The following IBTK variants were observed in gnomAD, a reference collection of about 807,000 sequenced individuals.
IBTK encodes inhibitor of Bruton tyrosine kinase.
Under a neutral mutation model 154.9 loss-of-function variants are expected in IBTK, and 83 were observed. The ratio of observed to expected loss-of-function variants is 0.54; its 90% CI spans 0.45 to 0.64. The LOEUF is 0.64. IBTK is among the 30% of genes least tolerant of loss of function. IBTK has a pLI of 0.00. For synonymous variants in IBTK, 515 were observed against 536.1 expected, an observed-to-expected ratio of 0.96 and a Z score of 0.54; for missense variants, 1,332 against 1,584.6, an observed-to-expected ratio of 0.84 and a Z score of 2.71.
chr6:82,207,528 A>G (rs1332522286), intron 16 of IBTK, among the ~76,000 whole-genome samples: 1 of 152,218 alleles, frequency 6.6e-6, no homozygotes, highest in Non-Finnish European at 1.5e-5. Context: ...TCTACAAATT[A>G]AATGTGATTT....
intron 7 of IBTK, among the ~76,000 whole-genome samples, 189 bp downstream of exon 7, chr6:82,223,879 A>G (rs9443972): frequency 0.24 from 36,139 of 151,952 alleles, 4,324 homozygotes; most frequent in African/African-American, 0.28. Flanking sequence ...GAGCCCAGGA[A>G]GTCAAGGTTT....
rs781079796 is a variant in IBTK, at chr6:82,194,668, A to T, written c.3175-26T>A. The T allele has an allele frequency of 8.4e-6, 13 of 1,541,162 alleles. No homozygotes were observed. In the South Asian group the frequency reaches 1.7e-4, roughly 20 times the overall value. ...CTGGGGAGAGAAAAAAAATAAAAAA[A>T]GTTAACAGGCACCTAGAACAGTAAC... On this transcript the variant is annotated intron_variant, in intron 22 of 28. Coordinates refer to ENST00000306270, the MANE Select transcript of IBTK (RefSeq NM_015525.4).
At chr6:82,200,065 T>G (rs181632425) in intron 21 of IBTK, 76 bp downstream of exon 21, 309 of 905,784 alleles carry the variant, frequency 3.4e-4, no homozygotes, top group South Asian at 6.5e-4. Context: ...TTTATTTCAG[T>G]AGCCCCAGCA....
At chr6:82,244,504 A>G (rs1426623718) in intron 1 of IBTK, among the ~76,000 whole-genome samples, 1 of 152,208 alleles carries the variant, frequency 6.6e-6, no homozygotes, top group Non-Finnish European at 1.5e-5. Context: ...TTCCTAGGGC[A>G]TTATCGCTTC....
At chr6:82,184,079 T>C (rs930607088) in intron 25 of IBTK, among the ~76,000 whole-genome samples, 12 of 152,230 alleles carry the variant, frequency 7.9e-5, no homozygotes, top group African/African-American at 2.9e-4. Flanking sequence ...TAAGATTGTG[T>C]GATACTGGCA....
At chr6:82,228,980 A>T (rs1326003772) in intron 4 of IBTK, among the ~76,000 whole-genome samples, 2 of 152,136 alleles carry the variant, frequency 1.3e-5, no homozygotes, top group Non-Finnish European at 2.9e-5. Context: ...AATTATCTGG[A>T]ATATATAATA....
intron 23 of IBTK, among the ~76,000 whole-genome samples, chr6:82,192,528 C>T (rs1166758116): frequency 6.6e-6 from 1 of 151,830 alleles, no homozygotes; most frequent in East Asian, 1.9e-4. Context: ...GGGTGGATCA[C>T]CTGAGGTCAG....
At chr6:82,172,839 G>A (rs1330985560) in intron 27 of IBTK, 1 of 238,762 alleles carries the variant, frequency 4.2e-6, no homozygotes, top group East Asian at 1.0e-4. Context: ...ATTTGGACCA[G>A]TATTAGAGAG....
Position 82,225,612 on chromosome 6 carries a change from A to G in IBTK, c.690T>C (p.Asn230=), listed in dbSNP as rs1168000620. 1 of 1,613,114 alleles carries G rather than the reference A, an allele frequency of 6.2e-7. No individual in the cohort carries two copies. The highest frequency in any genetic ancestry group is 2.2e-5 in the East Asian group (1 of 44,818). ...CCTTAGCAGCTGCCACTTGGGAACAATTATGACCATTCAGTCCTTCCACAA... is the reference window on the plus strand; with the variant it reads ...CCTTAGCAGCTGCCACTTGGGAACAGTTATGACCATTCAGTCCTTCCACAA... ...PRLVEGLNGH[N]CSQVAAAKDH... Residue 230 remains asparagine (N), a synonymous_variant, in exon 6 of 29, where the codon AAT becomes AAC. Coordinates refer to ENST00000306270, the MANE Select transcript of IBTK (RefSeq NM_015525.4).
Position 82,240,739 on chromosome 6 carries a change from A to T in IBTK, c.-253T>A, listed in dbSNP as rs1047074137. 1.1e-4 allele frequency: 53 copies of T among 476,952 alleles called. 1 individual carries two copies. Among genetic ancestry groups the T allele is most frequent in the Admixed American group, 2.7e-4 (7 of 26,334 alleles). The allele number at this position is 476,952 out of a possible 1,614,324, so 29.5% of individuals were successfully genotyped here. Reference sequence around the variant, plus strand: ...AGTTCTTCATTTAAAAAAATTCCACAGTTTATAAATTATTCCTGGAGTCAA... The same window carrying T: ...AGTTCTTCATTTAAAAAAATTCCACTGTTTATAAATTATTCCTGGAGTCAA... On this transcript the variant is annotated 5_prime_UTR_variant, in exon 2 of 29. Coordinates refer to ENST00000306270, the MANE Select transcript of IBTK (RefSeq NM_015525.4).
intron 26 of IBTK, among the ~76,000 whole-genome samples, chr6:82,176,292 G>A (rs915075378): frequency 6.6e-6 from 1 of 151,618 alleles, no homozygotes; most frequent in Non-Finnish European, 1.5e-5. Flanking sequence ...GGGAGGCTGT[G>A]GGCAGATCAC....
chr6:82,220,647 A>C lies in IBTK; in HGVS notation c.1191T>G (p.His397Gln). Residue 397 changes from histidine to glutamine, a missense_variant, in exon 9 of 29, where the codon CAT (histidine) becomes CAG (glutamine). His to Gln is a conservative substitution (Grantham distance 24, BLOSUM62 0). Coordinates refer to ENST00000306270, the MANE Select transcript of IBTK (RefSeq NM_015525.4). ...GHMEYKVDPE[H>Q]LKENGGQKIC... ...TTTTTTGACCCCCATTTTCTTTCAA[A>C]TGTTCAGGATCAACCTTGTATTCCA... is the stretch of plus-strand genomic sequence containing the variant. The C allele has an allele frequency of 6.2e-7, 1 of 1,612,862 alleles. No individual in the cohort carries two copies. Among genetic ancestry groups the C allele is most frequent in the Non-Finnish European group, 8.5e-7 (1 of 1,179,534 alleles).
At position 82,172,930 on chromosome 6, in the gene IBTK, G is replaced by A. The variant is rs112957716; in HGVS notation, c.3798-418C>T. On this transcript the variant is annotated intron_variant, in intron 27 of 28. Transcript: ENST00000306270. Reference sequence around the variant, plus strand: ...AGAAAGGTAACTCAAACTACAGTACGGAGAGGATACAAGTAATACATTCTA... The same window carrying A: ...AGAAAGGTAACTCAAACTACAGTACAGAGAGGATACAAGTAATACATTCTA... The A allele has an allele frequency of 1.8e-3, 355 of 195,478 alleles. 2 individuals are homozygous for A. Among genetic ancestry groups the A allele is most frequent in the African/African-American group, 7.4e-3 (316 of 42,536 alleles). 12.1% of individuals were successfully genotyped at this position (195,478 alleles called of 1,614,324 possible).
intron 1 of IBTK, among the ~76,000 whole-genome samples, chr6:82,242,677 T>C (rs1352124983): frequency 6.6e-6 from 1 of 152,126 alleles, no homozygotes; most frequent in Non-Finnish European, 1.5e-5. Context: ...CCGAGCACGG[T>C]GGCTCACGTC....
intron 12 of IBTK, among the ~76,000 whole-genome samples, chr6:82,213,505 T>C (rs2323542): frequency 0.73 from 110,995 of 152,114 alleles, 40,935 homozygotes; most frequent in East Asian, 0.96. Context: ...CAAAACCATA[T>C]CAACAATATG....
In IBTK at chr6:82,223,535, A is replaced by C; in HGVS notation, c.1029T>G (p.Ser343=). The change falls in exon 8 of 29, where the codon TCT becomes TCG. Residue 343 remains serine, a synonymous_variant. Transcript: ENST00000306270. Reference sequence around the variant, plus strand: ...TAGCTCCATCACTTGCAGCAACCAAAGACAGAGCAATGTCTTTATGGTGAA... The same window carrying C: ...TAGCTCCATCACTTGCAGCAACCAACGACAGAGCAATGTCTTTATGGTGAA... ...SALHHKDIAL[S]LVAASDGATV... The C allele has an allele frequency of 6.2e-7, 1 of 1,614,148 alleles. No homozygotes were observed. The highest frequency in any genetic ancestry group is 8.5e-7 in the Non-Finnish European group (1 of 1,179,952).
intron 25 of IBTK, among the ~76,000 whole-genome samples, chr6:82,188,122 G>A (rs755916243): frequency 3.4e-4 from 52 of 152,142 alleles, no homozygotes; most frequent in Non-Finnish European, 5.9e-4. Flanking sequence ...GGTCCCTAAG[G>A]AATCTGATAC....
chr6:82,198,817 T>C (rs866100756), intron 21 of IBTK, among the ~76,000 whole-genome samples: 2 of 152,148 alleles, frequency 1.3e-5, no homozygotes, highest in Non-Finnish European at 2.9e-5. Context: ...AAAACGTATA[T>C]AGTTTAATCT....
chr6:82,217,716 G>T (rs766490248), intron 10 of IBTK, among the ~76,000 whole-genome samples: 2 of 152,118 alleles, frequency 1.3e-5, no homozygotes, highest in Admixed American at 6.6e-5. Context: ...CATACAACAG[G>T]TGATTTAATG....
Sources: gnomAD v4.1 joint callset for allele counts (sites outside exome capture counted in the v4.1 genomes callset) on GRCh38, gnomAD v4.1.1 for gene constraint, MANE v1.5 for transcripts, NCBI Gene and HGNC (gene_info 2026-07-23, HGNC 2026-07-21) for gene names.